The following OSBPL3 variants were observed in gnomAD, a reference collection of about 807,000 sequenced individuals.
OSBPL3 encodes oxysterol-binding protein-related protein 3.
A neutral mutation model predicts 120.1 loss-of-function variants in OSBPL3; 65 were observed. The ratio of observed to expected loss-of-function variants is 0.54; its 90% CI spans 0.44 to 0.67. OSBPL3 has a LOEUF of 0.67. Ranked by LOEUF, OSBPL3 falls within the 30% of genes least tolerant of loss-of-function variation. OSBPL3 has a pLI of 0.00. For synonymous variants in OSBPL3, 416 were observed against 402.6 expected, an observed-to-expected ratio of 1.03 and a Z score of -0.40; for missense variants, 1,004 against 1,082.1, an observed-to-expected ratio of 0.93 and a Z score of 1.01.
chr7:24,895,922 C>T (rs1438060745), intron 1 of OSBPL3, among the ~76,000 whole-genome samples: 1 of 152,146 alleles, frequency 6.6e-6, no homozygotes, highest in Non-Finnish European at 1.5e-5. Context: ...CTTGCAAATA[C>T]TCATATAATC....
At chr7:24,909,750 A>T (rs1434970590) in intron 1 of OSBPL3, among the ~76,000 whole-genome samples, 2 of 151,256 alleles carry the variant, frequency 1.3e-5, no homozygotes, top group Non-Finnish European at 2.9e-5. Flanking sequence ...ATTATTTGAC[A>T]AAATAAGGAA....
intron 1 of OSBPL3, among the ~76,000 whole-genome samples, chr7:24,925,422 C>G (rs1042738484): frequency 6.6e-6 from 1 of 152,216 alleles, no homozygotes; most frequent in East Asian, 1.9e-4. Context: ...AGCCGGAATA[C>G]TCAAAGACCC....
chr7:24,821,036 C>T lies in OSBPL3; in HGVS notation c.1885-798G>A, dbSNP rs973960143. 3.9e-5 allele frequency among the ~76,000 whole-genome samples: 6 copies of T among 152,206 alleles called. No individual in the cohort carries two copies. The highest frequency in any genetic ancestry group is 1.2e-4 in the African/African-American group (5 of 41,440). On this transcript the variant is annotated intron_variant, in intron 16 of 22. Transcript: ENST00000313367. This position sits in a 1 kb window ranked among gnomAD's most constrained non-coding sequence, Gnocchi z 5.5. ...GAGAAAATGGCTCCTCCCTCTATTT[C>T]CTCATCTCAGTCACACTCAGGGAAC... is the stretch of plus-strand genomic sequence containing the variant.
chr7:24,898,979 T>C lies in OSBPL3; in HGVS notation c.-149-6358A>G, dbSNP rs1806582128. Among the ~76,000 whole-genome samples, 1 of 152,208 alleles carries C rather than the reference T, an allele frequency of 6.6e-6. No individual in the cohort carries two copies. The highest frequency in any genetic ancestry group is 2.4e-5 in the African/African-American group (1 of 41,444). ...ATAATTTCATGCGCTGCTCCTAGATTTGCCCTTGGTAACTACATAGAACAA... is the reference window on the plus strand; with the variant it reads ...ATAATTTCATGCGCTGCTCCTAGATCTGCCCTTGGTAACTACATAGAACAA... On this transcript the variant is annotated intron_variant, in intron 1 of 22. Coordinates refer to ENST00000313367, the MANE Select transcript of OSBPL3 (RefSeq NM_015550.4). This position sits in a 1 kb window ranked among gnomAD's most constrained non-coding sequence, Gnocchi z 4.3.
intron 1 of OSBPL3, among the ~76,000 whole-genome samples, chr7:24,971,123 A>G (rs574501808): frequency 1.8e-4 from 27 of 152,312 alleles, no homozygotes; most frequent in African/African-American, 6.5e-4. Flanking sequence ...CAGGAACTAC[A>G]TCCATCCTCT....
At chr7:24,857,556 CA>C (rs1444702376) in intron 10 of OSBPL3, among the ~76,000 whole-genome samples, 1 of 152,218 alleles carries the variant, frequency 6.6e-6, no homozygotes, top group Non-Finnish European at 1.5e-5. Flanking sequence ...CGACATTTAA[CA>C]GGCTATCAAG....
chr7:24,912,754 C>G lies in OSBPL3; in HGVS notation c.-149-20133G>C, dbSNP rs996987434. Among the ~76,000 whole-genome samples the G allele has an allele frequency of 6.6e-6, 1 of 152,320 alleles. No individual in the cohort carries two copies. Among genetic ancestry groups the G allele is most frequent in the South Asian group, 2.1e-4 (1 of 4,822 alleles). ...GACCATACCAATGTACATCCCATCC[C>G]ACATGCTCCTCTAACAAAGTGACCG... On this transcript the variant is annotated intron_variant, in intron 1 of 22. Transcript: ENST00000313367. This position sits in a 1 kb window ranked among gnomAD's most constrained non-coding sequence, Gnocchi z 4.5.
chr7:24,971,910 C>G (rs1375102080), intron 1 of OSBPL3, among the ~76,000 whole-genome samples: 1 of 152,166 alleles, frequency 6.6e-6, no homozygotes, highest in Non-Finnish European at 1.5e-5. Context: ...CGAAGGAAAC[C>G]TCAGTTAATT....
chr7:24,924,427 T>C (rs1252433147), intron 1 of OSBPL3, among the ~76,000 whole-genome samples: 2 of 152,152 alleles, frequency 1.3e-5, no homozygotes, highest in East Asian at 1.9e-4. Flanking sequence ...AGCGAAAAAG[T>C]AGTAAGAGTC....
At chr7:24,836,108 T>C (rs1796965692) in intron 14 of OSBPL3, among the ~76,000 whole-genome samples, 2 of 152,182 alleles carry the variant, frequency 1.3e-5, no homozygotes, top group African/African-American at 4.8e-5. Flanking sequence ...AAAATATTTT[T>C]TGCCTATATC....
rs1562786157 is a variant in OSBPL3, at chr7:24,828,633, A to AAG, written c.1884+2134_1884+2135insCT. Among the ~76,000 whole-genome samples the AAG allele has an allele frequency of 3.6e-4, 49 of 134,704 alleles. 2 individuals are homozygous for AAG. Among genetic ancestry groups the AAG allele is most frequent in the Non-Finnish European group, 5.3e-4 (32 of 60,574 alleles). The allele number at this position is 134,704 out of a possible 152,430, so 88.4% of individuals were successfully genotyped here. ...AAAAAAAAAAAAAAGAAAAAAAAAAAAAAGGCATCGTAGAAGTTCCCACTA... is the reference window on the plus strand; with the variant it reads ...AAAAAAAAAAAAAAGAAAAAAAAAAAAGAAAGGCATCGTAGAAGTTCCCACTA... On this transcript the variant is annotated intron_variant, in intron 16 of 22. Transcript: ENST00000313367.
At chr7:24,866,344 C>A (rs533138637) in intron 5 of OSBPL3, 107 bp from the exon 6 acceptor site, 2 of 870,130 alleles carry the variant, frequency 2.3e-6, no homozygotes, top group Middle Eastern at 2.8e-4. Context: ...TCAGTTGGCA[C>A]GTAATTTCAA....
chr7:24,838,207 C>T (rs1797250418), intron 14 of OSBPL3, among the ~76,000 whole-genome samples: 1 of 152,052 alleles, frequency 6.6e-6, no homozygotes, highest in African/African-American at 2.4e-5. Flanking sequence ...TCAAGAAAGG[C>T]AATGTAGACC....
intron 10 of OSBPL3, among the ~76,000 whole-genome samples, chr7:24,856,024 T>A (rs1799800205): frequency 6.6e-6 from 1 of 152,210 alleles, no homozygotes; most frequent in Non-Finnish European, 1.5e-5. Context: ...ACTTAGAAAG[T>A]CCTTCCTGCT....
chr7:24,849,090 C>G lies in OSBPL3; in HGVS notation c.1245G>C (p.Lys415Asn). Reference sequence around the variant, plus strand: ...CCACCTCTGCCAGATTGTCACCCGACTTGGCGACAGCGGGGGAGTCGAGGA... The same window carrying G: ...CCACCTCTGCCAGATTGTCACCCGAGTTGGCGACAGCGGGGGAGTCGAGGA... ...SLLLDSPAVA[K>N]SGDNLAEENS... The change falls in exon 12 of 23, where the codon AAG (lysine) becomes AAC (asparagine). Residue 415 changes from lysine (K) to asparagine (N), a missense_variant. Around this residue, in one of 4 missense-constraint regions of OSBPL3, gnomAD observed 272 missense variants for 248.8 expected, o/e 1.09. Transcript: ENST00000313367. The surrounding 1 kb of genome is among the most constrained non-coding windows in gnomAD (Gnocchi z 5.4). 1 of 1,613,732 alleles carries G rather than the reference C, an allele frequency of 6.2e-7. No individual in the cohort carries two copies. Among genetic ancestry groups the G allele is most frequent in the Admixed American group, 1.7e-5 (1 of 60,020 alleles).
rs1171081614 is a variant in OSBPL3 at position 24,937,649 on chromosome 7, G to C, written c.-150+42237C>G. Among the ~76,000 whole-genome samples, 3 of 152,160 alleles carry C rather than the reference G, an allele frequency of 2.0e-5. No individual in the cohort carries two copies. The East Asian group carries it at 5.8e-4, about 29-fold the overall frequency. On this transcript the variant is annotated intron_variant, in intron 1 of 22. Coordinates refer to ENST00000313367, the MANE Select transcript of OSBPL3 (RefSeq NM_015550.4). The surrounding 1 kb of genome is among the most constrained non-coding windows in gnomAD (Gnocchi z 4.0). ...CATGTGCCACACTTTTACATATCTG[G>C]AAATAGAACTGGAGGTTTATGGTGC...
In OSBPL3 at chr7:24,964,010, C is replaced by T. The variant is rs1393337605; in HGVS notation, c.-150+15876G>A. On this transcript the variant is annotated intron_variant, in intron 1 of 22. Transcript: ENST00000313367. This position sits in a 1 kb window ranked among gnomAD's most constrained non-coding sequence, Gnocchi z 4.2. ...ATACAGGAGCCAACCGAAAGCACTC[C>T]TAATAGCTAAAGCTGGACGAACTTC... Among the ~76,000 whole-genome samples the T allele has an allele frequency of 6.6e-6, 1 of 152,056 alleles. No homozygotes were observed. Among genetic ancestry groups the T allele is most frequent in the Non-Finnish European group, 1.5e-5 (1 of 68,004 alleles).
rs1816395097 is a variant in OSBPL3 at position 24,966,490 on chromosome 7, C to T, written c.-150+13396G>A. 6.6e-6 allele frequency among the ~76,000 whole-genome samples: 1 copy of T among 152,164 alleles called. No homozygotes were observed. Among genetic ancestry groups the T allele is most frequent in the Non-Finnish European group, 1.5e-5 (1 of 68,026 alleles). On this transcript the variant is annotated intron_variant, in intron 1 of 22. Coordinates refer to ENST00000313367, the MANE Select transcript of OSBPL3 (RefSeq NM_015550.4). This position sits in a 1 kb window ranked among gnomAD's most constrained non-coding sequence, Gnocchi z 4.8. ...AACAAGCTGGAATGTTATTTTGCCC[C>T]ACGCGATCAAAGACTAGAAAAACAG...
chr7:24,954,149 A>G (rs1406754910), intron 1 of OSBPL3, among the ~76,000 whole-genome samples: 2 of 152,104 alleles, frequency 1.3e-5, no homozygotes, highest in African/African-American at 4.8e-5. Flanking sequence ...ACACAGAATC[A>G]CTCAAGCCAA....
Sources: gnomAD v4.1 joint callset for allele counts (sites outside exome capture counted in the v4.1 genomes callset) on GRCh38, gnomAD v4.1.1 for gene constraint, gnomAD v4.1.1 regional missense constraint, Gnocchi (gnomAD v3.1) non-coding constraint, MANE v1.5 for transcripts, NCBI Gene and HGNC (gene_info 2026-07-23, HGNC 2026-07-21) for gene names.